BAZ1A: variants seen among roughly 807,000 people sequenced by gnomAD.
BAZ1A encodes the protein bromodomain adjacent to zinc finger domain protein 1A.
Under a neutral mutation model 185.2 loss-of-function variants are expected in BAZ1A, and 50 were observed. The ratio of observed to expected loss-of-function variants is 0.27; its 90% confidence interval spans 0.22 to 0.34. BAZ1A has a LOEUF of 0.34. Among genes scored for constraint, BAZ1A ranks in the 10% least tolerant of loss-of-function variants. The probability of loss-of-function intolerance (pLI) is 1.00; values close to 1 mark genes in which losing one functional copy is unlikely to be tolerated. For synonymous variants in BAZ1A, 571 were observed against 615.6 expected (o/e 0.93, Z 1.07); for missense variants, 1,356 against 1,839.9 (o/e 0.74, Z 4.81).
At chr14:34,823,648 C>T (rs1053323623) in intron 4 of BAZ1A, among the ~76,000 whole-genome samples, 9 of 151,452 alleles carry the variant, frequency 5.9e-5, no homozygotes, top group Admixed American at 3.3e-4. Context: ...GCAACAAGAG[C>T]GAAACTCCAT....
At chr14:34,846,029 G>C (rs1392500817) in intron 3 of BAZ1A, among the ~76,000 whole-genome samples, 1 of 152,070 alleles carries the variant, frequency 6.6e-6, no homozygotes, top group Admixed American at 6.6e-5. Context: ...ATCCCCAATG[G>C]GGATTTAAGG....
chr14:34,808,636 T>C (rs2041886234), intron 5 of BAZ1A, among the ~76,000 whole-genome samples: 1 of 152,206 alleles, frequency 6.6e-6, no homozygotes, highest in Non-Finnish European at 1.5e-5. Context: ...TAAAACATTT[T>C]GTATTTAAAT....
intron 3 of BAZ1A, among the ~76,000 whole-genome samples, chr14:34,852,436 T>A (rs1436671163): frequency 6.6e-6 from 1 of 151,964 alleles, no homozygotes; most frequent in Non-Finnish European, 1.5e-5. Flanking sequence ...CTGGGCAACA[T>A]AATGAAACTG....
At chr14:34,861,949 A>G in intron 3 of BAZ1A, 95 bp downstream of exon 3, 1 of 1,386,796 alleles carries the variant, frequency 7.2e-7, no homozygotes, top group Non-Finnish European at 9.9e-7. Context: ...AGCATAGTAA[A>G]AGGGAAGATT....
intron 3 of BAZ1A, among the ~76,000 whole-genome samples, chr14:34,832,190 A>ACACACACACACACAC (rs2042252998): frequency 1.2e-5 from 1 of 80,948 alleles, no homozygotes. Flanking sequence ...ATATATACAT[A>ACACACACACACACAC]TACACACACA....
chr14:34,802,941 A>G lies in BAZ1A; in HGVS notation c.774T>C (p.Tyr258=). The G allele has an allele frequency of 6.2e-7, 1 of 1,612,922 alleles. No individual in the cohort carries two copies. ...ATGTGGGTGGATCATCAGGGAAGAA[A>G]TAAGAAAAATCTTGTTCTGCTATTT... ...TYKIAEQDFS[Y]FFPDDPPTFI... The change falls in exon 7 of 27, where the codon TAT becomes TAC. Residue 258 remains tyrosine (Y), a synonymous_variant. Coordinates refer to ENST00000360310, the MANE Select transcript of BAZ1A (RefSeq NM_013448.3).
intron 10 of BAZ1A, 70 bp from the exon 11 acceptor site, chr14:34,794,957 T>C: frequency 1.9e-6 from 3 of 1,565,254 alleles, no homozygotes; most frequent in Non-Finnish European, 8.6e-7. Flanking sequence ...AGAGATGACA[T>C]ACTTTTTACC....
At chr14:34,858,199 A>G (rs2042711800) in intron 3 of BAZ1A, among the ~76,000 whole-genome samples, 1 of 152,182 alleles carries the variant, frequency 6.6e-6, no homozygotes, top group African/African-American at 2.4e-5. Context: ...CGATGACTGA[A>G]CTGTATCCTC....
intron 4 of BAZ1A, among the ~76,000 whole-genome samples, chr14:34,824,058 A>G (rs1229235120): frequency 1.3e-5 from 2 of 152,000 alleles, no homozygotes; most frequent in African/African-American, 4.8e-5. Flanking sequence ...GTAATACAGT[A>G]ATTTATTTTT....
chr14:34,757,382 A>T (rs1217486051), intron 25 of BAZ1A, among the ~76,000 whole-genome samples: 1 of 109,358 alleles, frequency 9.1e-6, no homozygotes, highest in Non-Finnish European at 1.9e-5. Context: ...AAAAAAAAAA[A>T]GGCTGGGTGC....
chr14:34,818,769 T>C (rs1371660757), intron 4 of BAZ1A, among the ~76,000 whole-genome samples: 1 of 152,170 alleles, frequency 6.6e-6, no homozygotes, highest in African/African-American at 2.4e-5. Context: ...GTGCTTCCTT[T>C]AAGTGAAAAG....
At chr14:34,854,095 A>G (rs1047596249) in intron 3 of BAZ1A, among the ~76,000 whole-genome samples, 30 of 151,940 alleles carry the variant, frequency 2.0e-4, no homozygotes, top group African/African-American at 6.8e-4. Context: ...AAAGGGATAG[A>G]GAGAGAAGGA....
At chr14:34,862,428 A>G in intron 2 of BAZ1A, 106 bp from the exon 3 acceptor site, 7 of 1,281,642 alleles carry the variant, frequency 5.5e-6, no homozygotes, top group Non-Finnish European at 7.4e-6. Flanking sequence ...CCTTTAATGC[A>G]AAATTTTATG....
rs577533806 is a variant in BAZ1A, at chr14:34,828,069, C to T, written c.393-1913G>A. Among the ~76,000 whole-genome samples, 19 of 151,936 alleles carry T rather than the reference C, an allele frequency of 1.3e-4. No homozygotes were observed. The South Asian group carries it at 3.1e-3, about 25-fold the overall frequency. On this transcript the variant is annotated intron_variant, in intron 3 of 26. Transcript: ENST00000360310. Reference sequence around the variant, plus strand: ...CAGCACTTTGGGACACCGAGGCGGGCGGATCACCTGAGGTCCGGAGTTTGA... The same window carrying T: ...CAGCACTTTGGGACACCGAGGCGGGTGGATCACCTGAGGTCCGGAGTTTGA...
intron 4 of BAZ1A, among the ~76,000 whole-genome samples, chr14:34,821,229 G>A (rs775251716): frequency 1.3e-5 from 2 of 152,068 alleles, no homozygotes; most frequent in Non-Finnish European, 2.9e-5. Context: ...ATGTGATGCT[G>A]GGCAAATTTC....
At chr14:34,807,835 G>A (rs1300608221) in intron 5 of BAZ1A, among the ~76,000 whole-genome samples, 2 of 152,222 alleles carry the variant, frequency 1.3e-5, no homozygotes, top group Admixed American at 6.5e-5. Context: ...GCCGGGCGCA[G>A]TGGCTCACGC....
At chr14:34,873,589 G>GCTGAGT (rs145743863) in intron 2 of BAZ1A, among the ~76,000 whole-genome samples, 8,408 of 152,212 alleles carry the variant, frequency 0.055, 319 homozygotes, top group South Asian at 0.14. Context: ...GCGGCGCCTG[G>GCTGAGT]CTGAGTCTGG....
At chr14:34,760,757 C>A (rs1397581945) in intron 24 of BAZ1A, among the ~76,000 whole-genome samples, 1 of 151,914 alleles carries the variant, frequency 6.6e-6, no homozygotes, top group Non-Finnish European at 1.5e-5. Flanking sequence ...GAGGCTGGGG[C>A]TGGAGGATTG....
At chr14:34,870,772 A>G (rs184351426) in intron 2 of BAZ1A, among the ~76,000 whole-genome samples, 3 of 152,340 alleles carry the variant, frequency 2.0e-5, no homozygotes, top group Admixed American at 2.0e-4. Flanking sequence ...ATTATCAGTT[A>G]CTAGAAAAAT....
Sources: gnomAD v4.1 joint callset for allele counts (sites outside exome capture counted in the v4.1 genomes callset) on GRCh38, gnomAD v4.1.1 for gene constraint, MANE v1.5 for transcripts, NCBI Gene and HGNC (gene_info 2026-07-23, HGNC 2026-07-21) for gene names.